Variants in PPP1R42 observed in about 807,000 individuals in gnomAD.
The protein encoded by PPP1R42 is leucine rich repeat containing 67.
PPP1R42 carries 34 observed loss-of-function variants against 31.0 expected under a neutral mutation model. That is an observed-to-expected ratio of 1.10 (90% confidence interval 0.83 to 1.46). PPP1R42 has a LOEUF of 1.46. PPP1R42 is among the 40% of genes most tolerant of loss of function. The pLI is 0.00. For synonymous variants in PPP1R42, 103 were observed against 109.8 expected, an observed-to-expected ratio of 0.94 and a Z score of 0.39; for missense variants, 268 against 303.0, an observed-to-expected ratio of 0.88 and a Z score of 0.86.
intron 7 of PPP1R42, among the ~76,000 whole-genome samples, chr8:66,980,576 C>T (rs1349118661): frequency 6.6e-6 from 1 of 152,126 alleles, no homozygotes; most frequent in Admixed American, 6.6e-5. Flanking sequence ...ACTAGAGCTC[C>T]ATGCCTCTCC....
chr8:66,975,398 A>G (rs1814641291), intron 7 of PPP1R42, among the ~76,000 whole-genome samples: 1 of 152,216 alleles, frequency 6.6e-6, no homozygotes, highest in South Asian at 2.1e-4. Context: ...CTGTAATCCC[A>G]GGACTTTGGA....
chr8:66,964,247 T>C lies in PPP1R42; in HGVS notation c.*74A>G. On this transcript the variant is annotated 3_prime_UTR_variant, in exon 8 of 8. Coordinates refer to ENST00000685739, the MANE Select transcript of PPP1R42 (RefSeq NM_001364910.1). ...TTTACTCATTTTCCACAAACAAATT[T>C]TCTTTTTCTTCTGGGTTATGGAAGA... 8.9e-7 allele frequency: 1 copy of C among 1,127,518 alleles called. No homozygotes were observed. The highest frequency in any genetic ancestry group is 1.2e-6 in the Non-Finnish European group (1 of 842,602). The allele number at this position is 1,127,518 out of a possible 1,614,324, so 69.8% of individuals were successfully genotyped here. A position where few individuals can be genotyped will look rare whatever the true frequency, so the allele number is the denominator to read the frequency against.
chr8:67,000,354 T>A (rs1353761210), intron 5 of PPP1R42, among the ~76,000 whole-genome samples: 2 of 152,206 alleles, frequency 1.3e-5, no homozygotes, highest in Non-Finnish European at 2.9e-5. Context: ...CTTTACTGTA[T>A]CCCACAAATT....
intron 7 of PPP1R42, among the ~76,000 whole-genome samples, chr8:66,972,994 A>G (rs1814574566): frequency 2.0e-5 from 3 of 152,246 alleles, no homozygotes; most frequent in Admixed American, 2.0e-4. Flanking sequence ...GAACTTTCTC[A>G]TCTGCAAAAT....
At position 66,966,160 on chromosome 8, in the gene PPP1R42, C is replaced by T. The variant is rs114418970; in HGVS notation, c.803-1826G>A. 4.4e-3 allele frequency among the ~76,000 whole-genome samples: 675 copies of T among 152,314 alleles called. 4 individuals are homozygous for T. Among genetic ancestry groups the T allele is most frequent in the African/African-American group, 0.015 (637 of 41,562 alleles). ...GAGATATCTCACTTGCCAGCTAGTG[C>T]GATGCATGTCCATCTGGCCACACCA... On this transcript the variant is annotated intron_variant, in intron 7 of 7. Coordinates refer to ENST00000685739, the MANE Select transcript of PPP1R42 (RefSeq NM_001364910.1).
intron 6 of PPP1R42, among the ~76,000 whole-genome samples, chr8:66,986,453 TC>T (rs1815019232): frequency 6.6e-6 from 1 of 152,078 alleles, no homozygotes; most frequent in Non-Finnish European, 1.5e-5. Context: ...CCAGAAACCT[TC>T]TGACTGCCCT....
chr8:67,011,880 A>G (rs1310936976), intron 4 of PPP1R42, among the ~76,000 whole-genome samples: 2 of 152,172 alleles, frequency 1.3e-5, no homozygotes, highest in African/African-American at 4.8e-5. Flanking sequence ...TAGAAAAAAT[A>G]TTTCCTGATA....
chr8:66,976,297 T>G (rs538833359), intron 7 of PPP1R42, among the ~76,000 whole-genome samples: 1 of 152,260 alleles, frequency 6.6e-6, no homozygotes, highest in African/African-American at 2.4e-5. Flanking sequence ...TGAATTACGA[T>G]TTCATTATAC....
At chr8:66,971,084 G>A (rs1814527064) in intron 7 of PPP1R42, 2 of 1,533,698 alleles carry the variant, frequency 1.3e-6, no homozygotes, top group South Asian at 2.4e-5. Flanking sequence ...GCTAATTTTG[G>A]CTTACCCACC....
Position 66,984,543 on chromosome 8 carries a change from C to G in PPP1R42, c.671-2363G>C, listed in dbSNP as rs1814943961. On this transcript the variant is annotated intron_variant, in intron 6 of 7. Transcript: ENST00000685739. ...TGGCTGGGGTGCTAAATTTCTAACT[C>G]CATCTCAATCTTGAACTTCTTGGCT... 4 of 1,240,646 alleles carry G rather than the reference C, an allele frequency of 3.2e-6. No homozygotes were observed. In the South Asian group the frequency reaches 4.8e-5, roughly 15 times the overall value. The allele number at this position is 1,240,646 out of a possible 1,614,324, so 76.9% of individuals were successfully genotyped here. A position where few individuals can be genotyped will look rare whatever the true frequency, so the allele number is the denominator to read the frequency against.
rs1418336836 is a variant in PPP1R42 at position 67,018,996 on chromosome 8, A to AT, written c.-84-1166dup. On this transcript the variant is annotated intron_variant, in intron 1 of 7. Coordinates refer to ENST00000685739, the MANE Select transcript of PPP1R42 (RefSeq NM_001364910.1). ...AGGCACACGCCGCCATGCCCGGCTAATTTTTTTTTTTTTAATTTTAATGGA... is the reference window on the plus strand; with the variant it reads ...AGGCACACGCCGCCATGCCCGGCTAATTTTTTTTTTTTTTAATTTTAATGGA... Among the ~76,000 whole-genome samples the AT allele has an allele frequency of 3.0e-3, 430 of 142,190 alleles. 1 individual carries two copies. Among genetic ancestry groups the AT allele is most frequent in the Middle Eastern group, 7.7e-3 (2 of 260 alleles). 93.3% of individuals were successfully genotyped at this position (142,190 alleles called of 152,430 possible).
rs1585644540 is a variant in PPP1R42 at position 66,984,176 on chromosome 8, A to C, written c.671-1996T>G. The C allele has an allele frequency of 2.5e-6, 4 of 1,587,934 alleles. No homozygotes were observed. The Admixed American group carries it at 6.7e-5, about 27-fold the overall frequency. ...ACAGATTCACTCAGCGCAAGGTCCC[A>C]GTAATGTTCAGCCCCATGCTTTCTG... On this transcript the variant is annotated intron_variant, in intron 6 of 7. Coordinates refer to ENST00000685739, the MANE Select transcript of PPP1R42 (RefSeq NM_001364910.1).
chr8:66,993,874 CA>C (rs1027469174), intron 5 of PPP1R42, among the ~76,000 whole-genome samples: 33 of 152,160 alleles, frequency 2.2e-4, no homozygotes, highest in African/African-American at 8.0e-4. Flanking sequence ...AAGAGAGGGC[CA>C]GGTGACCTAA....
chr8:66,979,226 G>A (rs1814759299), intron 7 of PPP1R42, among the ~76,000 whole-genome samples: 1 of 152,088 alleles, frequency 6.6e-6, no homozygotes, highest in Non-Finnish European at 1.5e-5. Flanking sequence ...GTTGATTTTT[G>A]CTTAGGGTGA....
At chr8:66,976,035 A>G (rs886215466) in intron 7 of PPP1R42, among the ~76,000 whole-genome samples, 13 of 152,194 alleles carry the variant, frequency 8.5e-5, no homozygotes, top group African/African-American at 2.9e-4. Flanking sequence ...ATGAAGCTTC[A>G]TCTGTATTTA....
intron 4 of PPP1R42, among the ~76,000 whole-genome samples, chr8:67,011,335 G>A (rs1378693255): frequency 1.3e-5 from 2 of 152,152 alleles, no homozygotes; most frequent in African/African-American, 2.4e-5. Flanking sequence ...AGACCAGCCT[G>A]GCCAACATGG....
At chr8:66,976,932 T>C (rs954570688) in intron 7 of PPP1R42, among the ~76,000 whole-genome samples, 2 of 152,204 alleles carry the variant, frequency 1.3e-5, no homozygotes, top group Admixed American at 6.5e-5. Context: ...GTAGTGGGAT[T>C]GCTAGATCAT....
intron 7 of PPP1R42, among the ~76,000 whole-genome samples, chr8:66,978,677 C>T (rs1814743732): frequency 6.6e-6 from 1 of 152,160 alleles, no homozygotes; most frequent in African/African-American, 2.4e-5. Flanking sequence ...CTCAGCTTCC[C>T]AAAATGCTGA....
At chr8:66,985,510 A>G (rs1383384356) in intron 6 of PPP1R42, 15 of 1,188,762 alleles carry the variant, frequency 1.3e-5, no homozygotes, top group Admixed American at 1.7e-5. Flanking sequence ...TGGGGAAGCA[A>G]TGCCCATGTC....
Sources: allele counts gnomAD v4.1 joint callset (sites outside exome capture counted in the v4.1 genomes callset), GRCh38; gene constraint gnomAD v4.1.1; transcripts MANE v1.5; gene names NCBI Gene and HGNC (gene_info 2026-07-23, HGNC 2026-07-21).